NTNG1: variants seen among roughly 807,000 people sequenced by gnomAD.
The protein encoded by NTNG1 is netrin-G1.
NTNG1 carries 16 observed loss-of-function variants against 54.0 expected under a neutral mutation model. That is an observed-to-expected ratio of 0.30 (90% CI 0.20 to 0.45). The LOEUF (loss-of-function observed/expected upper bound fraction) is 0.45. Ranked by LOEUF, NTNG1 falls within the 20% of genes least tolerant of loss-of-function variation. The probability of loss-of-function intolerance (pLI) is 1.00; values close to 1 mark genes in which losing one functional copy is unlikely to be tolerated. For synonymous variants in NTNG1, 255 were observed against 263.1 expected, an observed-to-expected ratio of 0.97 and a Z score of 0.30; for missense variants, 530 against 678.7, an observed-to-expected ratio of 0.78 and a Z score of 2.43.
intron 7 of NTNG1, among the ~76,000 whole-genome samples, chr1:107,440,360 C>T (rs1675891208): frequency 6.6e-6 from 1 of 152,144 alleles, no homozygotes; most frequent in African/African-American, 2.4e-5. Flanking sequence ...TTTGAGTAGA[C>T]TCTGGATTCG....
chr1:107,293,888 AT>A (rs34404098), intron 2 of NTNG1, among the ~76,000 whole-genome samples: 1 of 151,902 alleles, frequency 6.6e-6, no homozygotes, highest in Admixed American at 6.5e-5. Flanking sequence ...CTTATAAGTG[AT>A]TTTTTTTCTT....
intron 3 of NTNG1, among the ~76,000 whole-genome samples, chr1:107,384,467 T>C (rs918531579): frequency 6.6e-6 from 1 of 152,178 alleles, no homozygotes; most frequent in African/African-American, 2.4e-5. Context: ...GACCACAGCA[T>C]CCCACTGTCC....
intron 2 of NTNG1, among the ~76,000 whole-genome samples, chr1:107,280,896 A>G (rs1374708608): frequency 8.5e-6 from 1 of 117,898 alleles, no homozygotes; most frequent in Non-Finnish European, 1.9e-5. Flanking sequence ...ATTTTATTTT[A>G]TTTTATTTAT....
intron 2 of NTNG1, among the ~76,000 whole-genome samples, chr1:107,243,173 A>C (rs759008410): frequency 6.6e-6 from 1 of 152,226 alleles, no homozygotes; most frequent in Non-Finnish European, 1.5e-5. Context: ...GTAGCTTTGC[A>C]GCTATTCCTG....
intron 2 of NTNG1, among the ~76,000 whole-genome samples, chr1:107,302,874 A>G (rs1199402624): frequency 6.6e-6 from 1 of 152,158 alleles, no homozygotes; most frequent in Non-Finnish European, 1.5e-5. Context: ...TTTTGCTACA[A>G]TAGTAAAATA....
chr1:107,435,860 G>T (rs10748506), intron 6 of NTNG1, among the ~76,000 whole-genome samples: 70,709 of 151,842 alleles, frequency 0.47, 16,534 homozygotes, highest in Middle Eastern at 0.5. Context: ...AAGCCTAAAG[G>T]ATATCCATTT....
intron 2 of NTNG1, among the ~76,000 whole-genome samples, chr1:107,215,558 G>C (rs572868994): frequency 2.0e-4 from 30 of 152,158 alleles, no homozygotes; most frequent in Admixed American, 4.6e-4. Flanking sequence ...TTTGAAGTCA[G>C]GTAATGTAAT....
At chr1:107,357,385 G>A (rs2100930077) in intron 3 of NTNG1, among the ~76,000 whole-genome samples, 1 of 152,270 alleles carries the variant, frequency 6.6e-6, no homozygotes, top group East Asian at 1.9e-4. Context: ...GATTCATTCA[G>A]GATTATAACA....
intron 3 of NTNG1, among the ~76,000 whole-genome samples, chr1:107,359,778 A>G (rs939086021): frequency 2.0e-5 from 3 of 152,058 alleles, no homozygotes; most frequent in African/African-American, 7.2e-5. Context: ...GTGCTAATTC[A>G]CCTTTACATC....
In NTNG1 at chr1:107,283,544, T is replaced by C. The variant is rs74881107; in HGVS notation, c.247-40738T>C. Among the ~76,000 whole-genome samples the C allele has an allele frequency of 6.0e-4, 92 of 152,354 alleles. No homozygotes were observed. The East Asian group carries it at 0.015, about 25-fold the overall frequency. On this transcript the variant is annotated intron_variant, in intron 2 of 7. Transcript: ENST00000370068. ...AAGTACATATAGAAACATTATTCTTTTGTATTTAATGATTACCTTGTAATG... is the reference window on the plus strand; with the variant it reads ...AAGTACATATAGAAACATTATTCTTCTGTATTTAATGATTACCTTGTAATG...
intron 7 of NTNG1, among the ~76,000 whole-genome samples, chr1:107,465,559 A>G (rs889807886): frequency 6.6e-6 from 1 of 152,338 alleles, no homozygotes; most frequent in East Asian, 1.9e-4. Context: ...CAAAGGAAGG[A>G]TAGTATCTGA....
intron 3 of NTNG1, among the ~76,000 whole-genome samples, chr1:107,334,928 AC>A (rs1442293931): frequency 6.6e-6 from 1 of 152,026 alleles, no homozygotes; most frequent in Non-Finnish European, 1.5e-5. Flanking sequence ...CCCACACAAG[AC>A]TGCAAGAGAA....
intron 2 of NTNG1, among the ~76,000 whole-genome samples, chr1:107,191,282 T>G (rs2101197003): frequency 6.6e-6 from 1 of 152,286 alleles, no homozygotes; most frequent in East Asian, 1.9e-4. Context: ...TTGTTTGTTT[T>G]TTTCTTGTAA....
chr1:107,254,862 A>G (rs1662830225), intron 2 of NTNG1, among the ~76,000 whole-genome samples: 1 of 152,222 alleles, frequency 6.6e-6, no homozygotes. Context: ...GGTATTAGAC[A>G]CACAGCTTTA....
chr1:107,413,406 A>G (rs973768257), intron 5 of NTNG1, among the ~76,000 whole-genome samples: 1 of 152,018 alleles, frequency 6.6e-6, no homozygotes, highest in African/African-American at 2.4e-5. Flanking sequence ...CTTTCTGGGC[A>G]TCAATAATGC....
chr1:107,310,138 A>C (rs1439341565), intron 2 of NTNG1, among the ~76,000 whole-genome samples: 1 of 152,172 alleles, frequency 6.6e-6, no homozygotes, highest in Non-Finnish European at 1.5e-5. Context: ...ACTTATGCAA[A>C]TATGACACAT....
At chr1:107,300,332 TGC>T (rs1339264367) in intron 2 of NTNG1, among the ~76,000 whole-genome samples, 14 of 152,180 alleles carry the variant, frequency 9.2e-5, no homozygotes, top group Non-Finnish European at 1.9e-4. Context: ...TCTGGATTTT[TGC>T]AGCTTCTCTT....
intron 2 of NTNG1, among the ~76,000 whole-genome samples, chr1:107,265,700 T>G (rs1160118057): frequency 6.6e-6 from 1 of 152,240 alleles, no homozygotes; most frequent in African/African-American, 2.4e-5. Context: ...TTATAAGAAT[T>G]ATGGGTTTAT....
chr1:107,280,791 T>A (rs1339154660), intron 2 of NTNG1, among the ~76,000 whole-genome samples: 1 of 152,114 alleles, frequency 6.6e-6, no homozygotes, highest in Non-Finnish European at 1.5e-5. Flanking sequence ...CCAACACTCA[T>A]AACAGAAACT....
Sources: allele counts gnomAD v4.1 joint callset (sites outside exome capture counted in the v4.1 genomes callset), GRCh38; gene constraint gnomAD v4.1.1; transcripts MANE v1.5; gene names NCBI Gene and HGNC (gene_info 2026-07-23, HGNC 2026-07-21).